Variants in RPSA2 observed in about 807,000 individuals in gnomAD.
The protein encoded by RPSA2 is small ribosomal subunit protein uS2B.
the RPSA2 span, chr19:23,832,234 T>C: frequency 1.6e-5 from 7 of 445,778 alleles, no homozygotes; most frequent in South Asian, 1.2e-4. Context: ...ATGTGAAGAA[T>C]GTGGCAAAGC....
At chr19:23,856,109 G>A in the RPSA2 span, among the ~76,000 whole-genome samples, 65 of 152,234 alleles carry the variant, frequency 4.3e-4, 1 homozygote, top group Admixed American at 1.2e-3. Flanking sequence ...GATAACAAAG[G>A]CCGAACAGAA....
the RPSA2 span, among the ~76,000 whole-genome samples, chr19:23,771,022 G>A: frequency 2.6e-5 from 4 of 152,190 alleles, no homozygotes; most frequent in African/African-American, 9.6e-5. Context: ...TCAGGAAAAT[G>A]AGTAATATCC....
At chr19:23,852,478 T>C in the RPSA2 span, among the ~76,000 whole-genome samples, 1 of 152,210 alleles carries the variant, frequency 6.6e-6, no homozygotes, top group Non-Finnish European at 1.5e-5. Flanking sequence ...ATTAACATTG[T>C]TTCTATAGAT....
chr19:23,841,552 A>C, the RPSA2 span, among the ~76,000 whole-genome samples: 2 of 152,114 alleles, frequency 1.3e-5, no homozygotes, highest in Non-Finnish European at 2.9e-5. Context: ...TTAATCTGAA[A>C]GCTCCCCTGT....
chr19:23,788,289 A>T, the RPSA2 span, among the ~76,000 whole-genome samples: 1,649 of 152,280 alleles, frequency 0.011, 32 homozygotes, highest in African/African-American at 0.038. Context: ...ATGAAAAGAT[A>T]GCATTATAAC....
the RPSA2 span, among the ~76,000 whole-genome samples, chr19:23,860,160 A>G: frequency 6.6e-6 from 1 of 152,176 alleles, no homozygotes; most frequent in South Asian, 2.1e-4. Context: ...GCTGCAAAAC[A>G]TTTGATGGCT....
chr19:23,807,496 T>C, the RPSA2 span, among the ~76,000 whole-genome samples: 4 of 152,312 alleles, frequency 2.6e-5, no homozygotes, highest in African/African-American at 9.6e-5. Flanking sequence ...GTCTTTTTCA[T>C]CTGAAAAACA....
chr19:23,785,900 G>C, the RPSA2 span, among the ~76,000 whole-genome samples: 1 of 152,090 alleles, frequency 6.6e-6, no homozygotes, highest in African/African-American at 2.4e-5. Flanking sequence ...CCACTTTCTT[G>C]TATACTATAC....
the RPSA2 span, chr19:23,832,784 A>G: frequency 1.3e-6 from 2 of 1,571,024 alleles, no homozygotes; most frequent in Non-Finnish European, 1.7e-6. Flanking sequence ...AAGATAATTC[A>G]TACTGGAGAG....
chr19:23,798,062 T>C, the RPSA2 span, among the ~76,000 whole-genome samples: 2 of 143,328 alleles, frequency 1.4e-5, no homozygotes, highest in African/African-American at 5.7e-5. Flanking sequence ...TATGTATTTA[T>C]TTTTTTTTTA....
At chr19:23,836,702 G>A in the RPSA2 span, among the ~76,000 whole-genome samples, 12 of 152,162 alleles carry the variant, frequency 7.9e-5, no homozygotes, top group South Asian at 1.2e-3. Context: ...TTTTGATTAC[G>A]GCCATTCCTG....
the RPSA2 span, among the ~76,000 whole-genome samples, chr19:23,809,768 C>T: frequency 2.8e-3 from 412 of 149,002 alleles, no homozygotes; most frequent in African/African-American, 9.7e-3. Context: ...ATTACATGGT[C>T]TACCAACAGC....
At chr19:23,810,533 C>T in the RPSA2 span, among the ~76,000 whole-genome samples, 5 of 151,506 alleles carry the variant, frequency 3.3e-5, no homozygotes, top group Non-Finnish European at 7.4e-5. Context: ...TTTCTGCAGT[C>T]GGGTCTGCAT....
At chr19:23,789,713 T>C in the RPSA2 span, among the ~76,000 whole-genome samples, 1 of 141,740 alleles carries the variant, frequency 7.1e-6, no homozygotes, top group Non-Finnish European at 1.6e-5. Flanking sequence ...ATTGTGTTAC[T>C]TTTTTTTTTT....
the RPSA2 span, among the ~76,000 whole-genome samples, chr19:23,829,468 A>AT: frequency 1.3e-5 from 2 of 151,976 alleles, no homozygotes; most frequent in African/African-American, 2.4e-5. Flanking sequence ...TGCCTGGCTA[A>AT]TTTTGTATTT....
chr19:23,795,863 C>T, the RPSA2 span, among the ~76,000 whole-genome samples: 9 of 152,156 alleles, frequency 5.9e-5, no homozygotes, highest in Non-Finnish European at 1.0e-4. Context: ...GCAGACTCTG[C>T]CTTCTGGTTT....
At chr19:23,828,538 A>G in the RPSA2 span, among the ~76,000 whole-genome samples, 2 of 13,148 alleles carry the variant, frequency 1.5e-4, no homozygotes, top group African/African-American at 1.8e-4. Flanking sequence ...TTTAGTTTCT[A>G]TATATTTGTA....
the RPSA2 span, among the ~76,000 whole-genome samples, chr19:23,800,874 A>C: frequency 1.3e-5 from 2 of 152,232 alleles, no homozygotes; most frequent in African/African-American, 4.8e-5. Context: ...TAGCCCCCAA[A>C]GTGCTGGGAT....
At chr19:23,847,698 G>A in the RPSA2 span, among the ~76,000 whole-genome samples, 3 of 152,276 alleles carry the variant, frequency 2.0e-5, no homozygotes, top group Middle Eastern at 3.4e-3. Flanking sequence ...TACCAGGCTG[G>A]AGTTTCCCAA....
Sources: gnomAD v4.1 joint callset for allele counts (sites outside exome capture counted in the v4.1 genomes callset) on GRCh38, gnomAD v4.1.1 for gene constraint, MANE v1.5 for transcripts, NCBI Gene and HGNC (gene_info 2026-07-23, HGNC 2026-07-21) for gene names.